DDX51: variants seen among roughly 807,000 people sequenced by gnomAD.
DDX51 encodes the protein DEAD-box helicase 51, also known as ATP-dependent RNA helicase DDX51.
DDX51 carries 67 observed loss-of-function variants against 74.6 expected under a neutral mutation model. The observed-to-expected ratio is 0.90, with a 90% CI of 0.74 to 1.10. DDX51 has a LOEUF of 1.10. Among genes scored for constraint, DDX51 ranks in the 50% least tolerant of loss-of-function variants. The probability of loss-of-function intolerance (pLI) is 0.00; values close to 1 mark genes in which losing one functional copy is unlikely to be tolerated. For synonymous variants in DDX51, 545 were observed against 402.9 expected (o/e 1.35, Z -4.22); for missense variants, 1,056 against 905.2 (o/e 1.17, Z -2.14).
At position 132,141,168 on chromosome 12, in the gene DDX51, G is replaced by A; in HGVS notation, c.1250+107C>T. On this transcript the variant is annotated intron_variant, in intron 8 of 14. Transcript: ENST00000397333. ...TCACGTGACAGTACGATGCGGTTCT[G>A]TGCACCAGAGCTCAAGCCACCCTTA... is the stretch of plus-strand genomic sequence containing the variant. The A allele has an allele frequency of 2.0e-6, 3 of 1,502,300 alleles. No homozygotes were observed. In the South Asian group the frequency reaches 3.9e-5, roughly 20 times the overall value. 93.1% of individuals were successfully genotyped at this position (1,502,300 alleles called of 1,614,324 possible). A position where few individuals can be genotyped will look rare whatever the true frequency, so the allele number is the denominator to read the frequency against.
In DDX51 at chr12:132,141,441, G is replaced by A. The variant is rs369910176; in HGVS notation, c.1105-21C>T. The A allele has an allele frequency of 6.3e-4, 994 of 1,584,398 alleles. 2 individuals carry two copies. The highest frequency in any genetic ancestry group is 7.4e-4 in the Non-Finnish European group (861 of 1,169,382). ...ATAATCTGCAGGAGACAGGGAGCCC[G>A]GGACTGGGTGGCGCGGCCCTGAGCT... is the stretch of plus-strand genomic sequence containing the variant. On this transcript the variant is annotated intron_variant, in intron 7 of 14. Coordinates refer to ENST00000397333, the MANE Select transcript of DDX51 (RefSeq NM_175066.4).
chr12:132,137,600 G>A lies in DDX51; in HGVS notation c.*1672C>T, dbSNP rs1897299610. ...CCCAGACATTCTTTGCATCTAAGCT[G>A]AGGTCTGAACTGAGTGGGGTGGGCT... On this transcript the variant is annotated 3_prime_UTR_variant, in exon 15 of 15. Transcript: ENST00000397333. The A allele has an allele frequency of 6.6e-6, 1 of 152,194 alleles. No individual in the cohort carries two copies. The highest frequency in any genetic ancestry group is 2.4e-5 in the African/African-American group (1 of 41,430). 9.4% of individuals were successfully genotyped at this position (152,194 alleles called of 1,614,324 possible).
rs541934886 is a variant in DDX51, at chr12:132,140,268, G to A, written c.1674-69C>T. ...GGGGCCGTGGCAGCACCGGCCCTGC[G>A]GGGGGCAGCTCAGGCCTTTCTGGGA... On this transcript the variant is annotated intron_variant, in intron 11 of 14. Coordinates refer to ENST00000397333, the MANE Select transcript of DDX51 (RefSeq NM_175066.4). 41 of 1,574,564 alleles carry A rather than the reference G, an allele frequency of 2.6e-5. No individual in the cohort carries two copies. In the Middle Eastern group the frequency reaches 8.9e-4, roughly 34 times the overall value.
rs1481163780 is a variant in DDX51, at chr12:132,141,518, G to A, written c.1084C>T (p.Leu362Phe). ...CCTACCAGGAAGCGGAGCTGCTGGA[G>A]GCTGAATCCTGGGGTCTGGTCGATG... is the stretch of plus-strand genomic sequence containing the variant. ...DHIDQTPGFS[L>F]QQLRFLIIDE... is the part of the protein sequence containing the mutation. The change falls in exon 7 of 15, where the codon CTC (leucine) becomes TTC (phenylalanine). Residue 362 changes from leucine to phenylalanine, a missense_variant. By Grantham distance (22) the Leu-to-Phe change is conservative. Transcript: ENST00000397333. 1.3e-6 allele frequency: 2 copies of A among 1,598,968 alleles called. No homozygotes were observed. The highest frequency in any genetic ancestry group is 8.5e-7 in the Non-Finnish European group (1 of 1,175,664).
intron 5 of DDX51, 55 bp downstream of exon 5, chr12:132,142,064 T>C: frequency 3.2e-6 from 5 of 1,578,418 alleles, no homozygotes; most frequent in Non-Finnish European, 4.3e-6. Flanking sequence ...CGCTGTGCAC[T>C]CAGCAGGGAA....
chr12:132,143,326 G>A (rs1270785212), intron 2 of DDX51: 2 of 431,270 alleles, frequency 4.6e-6, no homozygotes, highest in East Asian at 4.9e-5. Context: ...CTGTCTCGCC[G>A]GAAATCTCTT....
Position 132,142,883 on chromosome 12 carries a change from C to T in DDX51, c.520-5G>A, listed in dbSNP as rs530065909. 242 of 1,612,546 alleles carry T rather than the reference C, an allele frequency of 1.5e-4. No individual in the cohort carries two copies. The highest frequency in any genetic ancestry group is 4.0e-4 in the Admixed American group (24 of 60,022). On this transcript the variant is annotated splice_polypyrimidine_tract_variant and splice_region_variant and intron_variant, in intron 2 of 14. Transcript: ENST00000397333. ...CCTTGGCAGGAAAGGCTGGACCTGCCATCAAAAAGAAAGAGAGGCCAGGTG... is the reference window on the plus strand; with the variant it reads ...CCTTGGCAGGAAAGGCTGGACCTGCTATCAAAAAGAAAGAGAGGCCAGGTG...
intron 3 of DDX51, 21 bp from the exon 4 acceptor site, chr12:132,142,443 G>A (rs1339022070): frequency 1.2e-6 from 2 of 1,608,544 alleles, no homozygotes; most frequent in Non-Finnish European, 1.7e-6. Context: ...AAAGGCGAGA[G>A]AGAAGTCGTG....
chr12:132,143,212 C>G, intron 2 of DDX51: 1 of 423,826 alleles, frequency 2.4e-6, no homozygotes, highest in East Asian at 5.4e-5. Context: ...AACCCCCAAC[C>G]TTGACCTGGC....
intron 8 of DDX51, 79 bp from the exon 9 acceptor site, chr12:132,141,099 G>A (rs370916759): frequency 8.6e-6 from 13 of 1,517,534 alleles, no homozygotes; most frequent in South Asian, 2.6e-5. Context: ...CTCATGCTAC[G>A]CACTGTAGAG....
At position 132,139,113 on chromosome 12, in the gene DDX51, CG is replaced by C. The variant is rs961525520; in HGVS notation, c.*158del. On this transcript the variant is annotated 3_prime_UTR_variant, in exon 15 of 15. Coordinates refer to ENST00000397333, the MANE Select transcript of DDX51 (RefSeq NM_175066.4). ...GTCGGGGCAGGTGCTTGAGCTCTGA[CG>C]CCCGGGCTGCCTGGCGCAGAGACCA... 4.5e-6 allele frequency: 5 copies of C among 1,120,296 alleles called. No homozygotes were observed. The highest frequency in any genetic ancestry group is 6.3e-6 in the Non-Finnish European group (5 of 792,622). 69.4% of individuals were successfully genotyped at this position (1,120,296 alleles called of 1,614,324 possible).
chr12:132,139,504 G>A (rs1213306030), intron 14 of DDX51, 131 bp downstream of exon 14: 1 of 1,581,034 alleles, frequency 6.3e-7, no homozygotes, highest in Non-Finnish European at 8.7e-7. Flanking sequence ...AGAAGCTCGA[G>A]GACAACCTGT....
intron 2 of DDX51, chr12:132,143,163 G>A: frequency 2.2e-6 from 1 of 458,664 alleles, no homozygotes; most frequent in Admixed American, 3.5e-5. Flanking sequence ...CCCCAGCCAC[G>A]CCGGCGTCCC....
rs1424288081 is a variant in DDX51 at position 132,143,023 on chromosome 12, C to T, written c.520-145G>A. The T allele has an allele frequency of 4.7e-6, 5 of 1,066,800 alleles. No individual in the cohort carries two copies. The Admixed American group carries it at 1.0e-4, about 22-fold the overall frequency. 66.1% of individuals were successfully genotyped at this position (1,066,800 alleles called of 1,614,324 possible). A position where few individuals can be genotyped will look rare whatever the true frequency, so the allele number is the denominator to read the frequency against. On this transcript the variant is annotated intron_variant, in intron 2 of 14. Transcript: ENST00000397333. ...TCAGCCCCAGGATGCGCTTTCCATA[C>T]AGCCTTCAGAAGTTAAACAGTAAAA...
chr12:132,141,493 C>G lies in DDX51; in HGVS notation c.1104+5G>C. 1 of 1,586,720 alleles carries G rather than the reference C, an allele frequency of 6.3e-7. No homozygotes were observed. The highest frequency in any genetic ancestry group is 8.6e-7 in the Non-Finnish European group (1 of 1,169,376). On this transcript the variant is annotated splice_donor_5th_base_variant and intron_variant, in intron 7 of 14. Coordinates refer to ENST00000397333, the MANE Select transcript of DDX51 (RefSeq NM_175066.4). ...AAAGCCCAGGCCCCTGGGGCGGGGA[C>G]CTACCAGGAAGCGGAGCTGCTGGAG...
chr12:132,142,959 AGGGAGGCT>A, intron 2 of DDX51, 81 bp from the exon 3 acceptor site: 1 of 1,590,532 alleles, frequency 6.3e-7, no homozygotes, highest in East Asian at 2.2e-5. Flanking sequence ...AAGCTAGGGG[AGGGAGGCT>A]GGGGAAACCT....
At position 132,143,542 on chromosome 12, in the gene DDX51, C is replaced by T. The variant is rs570477391; in HGVS notation, c.519+153G>A. On this transcript the variant is annotated intron_variant, in intron 2 of 14. Coordinates refer to ENST00000397333, the MANE Select transcript of DDX51 (RefSeq NM_175066.4). Reference sequence around the variant, plus strand: ...GAGCTCTGCACGTGCAGGATCCAGACCCCTAGGCGATGAAACTGCAGACCT... The same window carrying T: ...GAGCTCTGCACGTGCAGGATCCAGATCCCTAGGCGATGAAACTGCAGACCT... 2.5e-4 allele frequency: 252 copies of T among 1,019,046 alleles called. 2 individuals are homozygous for T. The South Asian group carries it at 3.6e-3, about 14-fold the overall frequency. 63.1% of individuals were successfully genotyped at this position (1,019,046 alleles called of 1,614,324 possible).
rs760129641 is a variant in DDX51 at position 132,141,967 on chromosome 12, A to G, written c.889-11T>C. 1 of 1,612,402 alleles carries G rather than the reference A, an allele frequency of 6.2e-7. No individual in the cohort carries two copies. Among genetic ancestry groups the G allele is most frequent in the African/African-American group, 1.3e-5 (1 of 75,064 alleles). On this transcript the variant is annotated splice_polypyrimidine_tract_variant and intron_variant, in intron 5 of 14. Coordinates refer to ENST00000397333, the MANE Select transcript of DDX51 (RefSeq NM_175066.4). Reference sequence around the variant, plus strand: ...GAAAACTTTGCTCACCTGCAGGAGAAGTCTGTCACTGGCCTGGAGGTAGCT... The same window carrying G: ...GAAAACTTTGCTCACCTGCAGGAGAGGTCTGTCACTGGCCTGGAGGTAGCT...
At chr12:132,141,177 A>G in intron 8 of DDX51, 98 bp downstream of exon 8, 2 of 1,507,450 alleles carry the variant, frequency 1.3e-6, no homozygotes, top group Non-Finnish European at 1.8e-6. Flanking sequence ...TGTGCACCAG[A>G]GCTCAAGCCA....
Sources: allele counts gnomAD v4.1 joint callset, GRCh38; gene constraint gnomAD v4.1.1; transcripts MANE v1.5; gene names NCBI Gene and HGNC (gene_info 2026-07-23, HGNC 2026-07-21).